The following PMS2 variants were observed in gnomAD, a reference collection of about 807,000 sequenced individuals.
PMS2 encodes the protein PMS1 homolog 2, mismatch repair system component, also known as mismatch repair endonuclease PMS2.
Under a neutral mutation model 90.0 loss-of-function variants are expected in PMS2, and 69 were observed. That is an observed-to-expected ratio of 0.77 (90% CI 0.63 to 0.94). PMS2 has a LOEUF of 0.94. Ranked by LOEUF, PMS2 falls within the 40% of genes least tolerant of loss-of-function variation. The pLI, the probability that PMS2 is intolerant of heterozygous loss-of-function variation, is 0.00. For missense variants in PMS2, 966 were observed against 1,040.2 expected, an observed-to-expected ratio of 0.93 and a Z score of 0.98; for synonymous variants, 332 against 375.1, an observed-to-expected ratio of 0.89 and a Z score of 1.33.
At chr7:5,994,342 T>A (rs192381426) in intron 8 of PMS2, among the ~76,000 whole-genome samples, 1 of 149,894 alleles carries the variant, frequency 6.7e-6, no homozygotes. Flanking sequence ...AATCGCACCA[T>A]TGCACTCCAG....
chr7:6,007,856 ATTTT>A (rs144545311), intron 1 of PMS2, among the ~76,000 whole-genome samples: 75 of 126,578 alleles, frequency 5.9e-4, no homozygotes, highest in East Asian at 1.0e-3. Flanking sequence ...TCCACTTCTG[ATTTT>A]TTTTTTTTTT....
rs2128846790 is a variant in PMS2 at position 6,006,013 on chromosome 7, G to A, written c.42C>T (p.Ala14=). ...AESSSTEPAK[A]IKPIDRKSVH... ...CTGACTTCCGATCAATAGGTTTGATGGCCTTAGCAGGTTCTGTACTAGAGA... is the reference window on the plus strand; with the variant it reads ...CTGACTTCCGATCAATAGGTTTGATAGCCTTAGCAGGTTCTGTACTAGAGA... Residue 14 remains alanine, a synonymous_variant, in exon 2 of 15, where the codon GCC becomes GCT. Transcript: ENST00000265849. The A allele has an allele frequency of 6.2e-7, 1 of 1,610,596 alleles. No homozygotes were observed. The highest frequency in any genetic ancestry group is 8.5e-7 in the Non-Finnish European group (1 of 1,179,734).
At chr7:5,985,537 TTTTTTTC>T (rs1363306556) in intron 11 of PMS2, among the ~76,000 whole-genome samples, 3 of 130,578 alleles carry the variant, frequency 2.3e-5, no homozygotes, top group Non-Finnish European at 3.3e-5. Context: ...AAAGGAACTC[TTTTTTTC>T]TTTTTTCTTT....
rs182702912 is a variant in PMS2 at position 5,979,385 on chromosome 7, T to C, written c.2175-689A>G. Among the ~76,000 whole-genome samples, 321 of 146,306 alleles carry C rather than the reference T, an allele frequency of 2.2e-3. 11 individuals carry two copies. The East Asian group carries it at 0.03, about 14-fold the overall frequency. On this transcript the variant is annotated intron_variant, in intron 12 of 14. Transcript: ENST00000265849. ...CAGCCTGGGCAACAGGGCAAGACTC[T>C]GTCTCAAAAAAAAAAAAAAAGTTCA... is the stretch of plus-strand genomic sequence containing the variant.
chr7:5,998,858 G>C (rs550324794), intron 6 of PMS2, among the ~76,000 whole-genome samples: 1 of 151,882 alleles, frequency 6.6e-6, no homozygotes, highest in South Asian at 2.1e-4. Context: ...TGGCGTAGTG[G>C]AGCATGCTTG....
intron 8 of PMS2, among the ~76,000 whole-genome samples, chr7:5,994,242 G>A (rs1012002218): frequency 1.3e-5 from 2 of 151,960 alleles, no homozygotes; most frequent in African/African-American, 4.8e-5. Flanking sequence ...TTAGCCGGGC[G>A]TGGTGGCGCG....
In PMS2 at chr7:5,972,824, GTTTT is replaced by G. The variant is rs374762935; in HGVS notation, c.*571_*574del. Among the ~76,000 whole-genome samples the G allele has an allele frequency of 4.4e-5, 3 of 68,680 alleles. No individual in the cohort carries two copies. Among genetic ancestry groups the G allele is most frequent in the African/African-American group, 7.5e-5 (1 of 13,298 alleles). The allele number at this position is 68,680 out of a possible 152,430, so 45.1% of individuals were successfully genotyped here. Reference sequence around the variant, plus strand: ...CCTGAGTAACTTCCAAAGTGGTTTGGTTTTTTTTTTTTTGTTTTGTTTTGTTTTG... The same window carrying G: ...CCTGAGTAACTTCCAAAGTGGTTTGGTTTTTTTTTGTTTTGTTTTGTTTTG... On this transcript the variant is annotated 3_prime_UTR_variant, in exon 15 of 15. Coordinates refer to ENST00000265849, the MANE Select transcript of PMS2 (RefSeq NM_000535.7).
At chr7:5,988,753 A>G (rs1196476988) in intron 10 of PMS2, among the ~76,000 whole-genome samples, 2 of 152,212 alleles carry the variant, frequency 1.3e-5, no homozygotes, top group East Asian at 3.8e-4. Flanking sequence ...GGTGAATCTC[A>G]CAAACAAAAT....
At chr7:6,001,508 C>G (rs753183907) in intron 5 of PMS2, among the ~76,000 whole-genome samples, 1 of 151,764 alleles carries the variant, frequency 6.6e-6, no homozygotes, top group Non-Finnish European at 1.5e-5. Flanking sequence ...GGAGCTGGGA[C>G]TACAGGCACA....
At chr7:6,006,265 AT>A (rs1478906485) in intron 1 of PMS2, among the ~76,000 whole-genome samples, 2 of 152,178 alleles carry the variant, frequency 1.3e-5, no homozygotes, top group Non-Finnish European at 2.9e-5. Context: ...GATCCTTACT[AT>A]CTAATTATAC....
At chr7:6,002,122 T>C in intron 5 of PMS2, 1 of 303,584 alleles carries the variant, frequency 3.3e-6, no homozygotes, top group Non-Finnish European at 6.3e-6. Context: ...CTCAAGTTCC[T>C]GGGCTCAAGT....
chr7:5,983,880 G>A (rs1451235603), intron 11 of PMS2, among the ~76,000 whole-genome samples: 2 of 151,472 alleles, frequency 1.3e-5, no homozygotes, highest in Non-Finnish European at 2.9e-5. Context: ...TTGAACTCCC[G>A]ACCTCAAGTG....
At position 5,986,912 on chromosome 7, in the gene PMS2, A is replaced by G. The variant is rs63751253; in HGVS notation, c.1853T>C (p.Leu618Pro). The G allele has an allele frequency of 6.2e-7, 1 of 1,614,142 alleles. No individual in the cohort carries two copies. The highest frequency in any genetic ancestry group is 8.5e-7 in the Non-Finnish European group (1 of 1,180,024). Reference protein sequence around the residue: ...AVKINKKVVPLDFSMSSLAKR... With the variant: ...AVKINKKVVPPDFSMSSLAKR... Reference sequence around the variant, plus strand: ...AGCTAAAGAACTCATAGAAAAGTCCAGGGGCACAACTTTCTTATTAATTTT... The same window carrying G: ...AGCTAAAGAACTCATAGAAAAGTCCGGGGGCACAACTTTCTTATTAATTTT... Residue 618 changes from leucine (L) to proline (P), a missense_variant, in exon 11 of 15, where the codon CTG becomes CCG. Around this residue, in one of 2 missense-constraint regions of PMS2, gnomAD observed 871 missense variants for 802.4 expected, o/e 1.09. Transcript: ENST00000265849.
At chr7:6,002,397 C>G in intron 5 of PMS2, 56 bp downstream of exon 5, 1 of 1,097,518 alleles carries the variant, frequency 9.1e-7, no homozygotes, top group South Asian at 1.2e-5. Flanking sequence ...TTTAGTAAAT[C>G]TTTTGCTCAT....
intron 1 of PMS2, among the ~76,000 whole-genome samples, chr7:6,006,463 C>A (rs942134081): frequency 2.6e-5 from 4 of 152,034 alleles, no homozygotes; most frequent in Non-Finnish European, 5.9e-5. Flanking sequence ...ACCAGCCTGG[C>A]CAACACGGTG....
At chr7:6,008,437 C>G (rs1394353974) in intron 1 of PMS2, among the ~76,000 whole-genome samples, 2 of 151,914 alleles carry the variant, frequency 1.3e-5, no homozygotes, top group Admixed American at 1.3e-4. Flanking sequence ...GACGCTCTAC[C>G]GTCCCCAAAA....
intron 1 of PMS2, among the ~76,000 whole-genome samples, chr7:6,007,449 A>G (rs1785933369): frequency 1.3e-5 from 2 of 152,204 alleles, no homozygotes; most frequent in Admixed American, 6.5e-5. Context: ...TGTCCTGAAC[A>G]TCACAAGCTC....
chr7:5,987,408 T>TA lies in PMS2; in HGVS notation c.1356dup (p.Met453TyrfsTer5), dbSNP rs1583321194. 6.2e-7 allele frequency: 1 copy of TA among 1,614,164 alleles called. No individual in the cohort carries two copies. Among genetic ancestry groups the TA allele is most frequent in the East Asian group, 2.2e-5 (1 of 44,890 alleles). On this transcript the variant is annotated frameshift_variant, in exon 11 of 15. Transcript: ENST00000265849. LOFTEE classifies it high-confidence loss of function. The stretch of plus-strand genomic sequence containing the variant: ...GCACCTGAAGTGCTAGAAGACAGCA[T>TA]ACCCCTTTTCTGTCCTAGAGGGCTC...
At chr7:6,008,794 C>T (rs1206897939) in intron 1 of PMS2, among the ~76,000 whole-genome samples, 1 of 152,146 alleles carries the variant, frequency 6.6e-6, no homozygotes, top group African/African-American at 2.4e-5. Context: ...CCCAGGACCC[C>T]GAAGGAGCTT....
Sources: gnomAD v4.1 joint callset for allele counts (sites outside exome capture counted in the v4.1 genomes callset) on GRCh38, gnomAD v4.1.1 for gene constraint, gnomAD v4.1.1 regional missense constraint, MANE v1.5 for transcripts, NCBI Gene and HGNC (gene_info 2026-07-23, HGNC 2026-07-21) for gene names.